The following PHLPP1 variants were observed in gnomAD, a reference collection of about 807,000 sequenced individuals.
PHLPP1 encodes PH domain and leucine rich repeat protein phosphatase 1.
PHLPP1 carries 42 observed loss-of-function variants against 117.2 expected under a neutral mutation model. The ratio of observed to expected loss-of-function variants is 0.36; its 90% CI spans 0.28 to 0.46. PHLPP1 has a LOEUF of 0.46. PHLPP1 is among the 20% of genes least tolerant of loss of function. The pLI is 1.00. For missense variants in PHLPP1, 2,084 were observed against 2,241.9 expected (o/e 0.93, Z 1.42); for synonymous variants, 1,042 against 970.7 (o/e 1.07, Z -1.37).
intron 1 of PHLPP1, among the ~76,000 whole-genome samples, chr18:62,722,228 C>T (rs1355160874): frequency 1.3e-5 from 2 of 152,216 alleles, no homozygotes; most frequent in Admixed American, 1.3e-4. Flanking sequence ...TTTCTCCCAA[C>T]TTTTCAAAGG....
chr18:62,783,067 T>C (rs1913164672), intron 1 of PHLPP1, among the ~76,000 whole-genome samples: 1 of 151,502 alleles, frequency 6.6e-6, no homozygotes, highest in African/African-American at 2.4e-5. Flanking sequence ...AAAATACTGT[T>C]CTTGCCAGAA....
Position 62,715,785 on chromosome 18 carries a change from A to AGCGGCGGCCGCGGCGGCTCTGGCG in PHLPP1, c.113_136dup (p.Ala38_Ala45dup). 1.4e-6 allele frequency: 1 copy of AGCGGCGGCCGCGGCGGCTCTGGCG among 693,260 alleles called. No individual in the cohort carries two copies. The highest frequency in any genetic ancestry group is 1.8e-6 in the Non-Finnish European group (1 of 562,892). The allele number at this position is 693,260 out of a possible 1,614,324, so 42.9% of individuals were successfully genotyped here. On this transcript the variant is annotated inframe_insertion, in exon 1 of 17. Coordinates refer to ENST00000262719, the MANE Select transcript of PHLPP1 (RefSeq NM_194449.4). ...CCGCCGCTGCGGCAGCAGCAGCAGC[A>AGCGGCGGCCGCGGCGGCTCTGGCG]GCGGCGGCCGCGGCGGCTCTGGCGG...
chr18:62,822,280 GTTTTTGTT>G (rs1405000540), intron 1 of PHLPP1, among the ~76,000 whole-genome samples: 1 of 95,982 alleles, frequency 1.0e-5, no homozygotes, highest in Non-Finnish European at 2.0e-5. Flanking sequence ...TTTTTTTTTT[GTTTTTGTT>G]TTTTTTTTTT....
intron 10 of PHLPP1, among the ~76,000 whole-genome samples, chr18:62,923,528 T>A (rs1457998643): frequency 6.6e-6 from 1 of 152,126 alleles, no homozygotes; most frequent in Non-Finnish European, 1.5e-5. Flanking sequence ...TAAATTTGAT[T>A]AGCTGTTTTT....
intron 16 of PHLPP1, among the ~76,000 whole-genome samples, chr18:62,976,549 A>G (rs1040073285): frequency 3.3e-5 from 5 of 152,206 alleles, no homozygotes; most frequent in Non-Finnish European, 7.4e-5. Flanking sequence ...CTAAAGTTGA[A>G]ATCAGTGCAT....
chr18:62,723,243 A>G (rs1332626316), intron 1 of PHLPP1, among the ~76,000 whole-genome samples: 2 of 152,248 alleles, frequency 1.3e-5, no homozygotes, highest in Non-Finnish European at 2.9e-5. Context: ...TGGAGATATC[A>G]ATACTTTAGA....
chr18:62,865,832 G>A lies in PHLPP1; in HGVS notation c.2066+5231G>A, dbSNP rs192800978. 5.9e-5 allele frequency among the ~76,000 whole-genome samples: 9 copies of A among 152,294 alleles called. No individual in the cohort carries two copies. In the East Asian group the frequency reaches 1.7e-3, roughly 29 times the overall value. On this transcript the variant is annotated intron_variant, in intron 4 of 16. Transcript: ENST00000262719. ...TACTTATAAGTGGGTGTCAAGTGAT[G>A]AGAATACATGGACACATAGAGGGGA...
intron 10 of PHLPP1, among the ~76,000 whole-genome samples, chr18:62,923,809 G>C (rs1359143575): frequency 6.6e-6 from 1 of 152,144 alleles, no homozygotes; most frequent in Non-Finnish European, 1.5e-5. Context: ...AGTTGTTGAA[G>C]TAGGCCAACC....
chr18:62,945,364 G>A (rs1910251084), intron 12 of PHLPP1, 93 bp downstream of exon 12: 1 of 1,086,414 alleles, frequency 9.2e-7, no homozygotes, highest in Non-Finnish European at 1.3e-6. Flanking sequence ...CATCTTTGTT[G>A]GATTTATTCA....
intron 1 of PHLPP1, among the ~76,000 whole-genome samples, chr18:62,727,615 CAAAAA>C (rs71160863): frequency 6.5e-5 from 4 of 61,514 alleles, no homozygotes; most frequent in Non-Finnish European, 6.3e-5. Flanking sequence ...GACCCTGTCT[CAAAAA>C]AAAAAAAAAA....
chr18:62,826,826 C>G (rs1914625956), intron 1 of PHLPP1, among the ~76,000 whole-genome samples: 2 of 151,864 alleles, frequency 1.3e-5, no homozygotes, highest in Non-Finnish European at 2.9e-5. Context: ...TATGGGGAAA[C>G]CTGTCTCTAT....
intron 4 of PHLPP1, among the ~76,000 whole-genome samples, chr18:62,874,659 A>T (rs2510021): frequency 5.9e-5 from 1 of 17,066 alleles, no homozygotes; most frequent in Non-Finnish European, 1.4e-4. Context: ...GCACGCGCGC[A>T]CACACACACA....
intron 1 of PHLPP1, among the ~76,000 whole-genome samples, chr18:62,735,552 A>T (rs1190782088): frequency 6.8e-6 from 1 of 147,792 alleles, no homozygotes; most frequent in Non-Finnish European, 1.5e-5. Flanking sequence ...TCCCCTTCCC[A>T]GCCCCCCATC....
intron 4 of PHLPP1, among the ~76,000 whole-genome samples, chr18:62,876,724 A>G (rs1916058969): frequency 6.6e-6 from 1 of 152,226 alleles, no homozygotes; most frequent in South Asian, 2.1e-4. Context: ...TTATTGATCA[A>G]CCACATTGCA....
chr18:62,810,561 C>G lies in PHLPP1; in HGVS notation c.1577-19474C>G, dbSNP rs1209801581. Reference sequence around the variant, plus strand: ...CACAGTAAGAGATTAACAACAATAACTAAGAATAAAATAGAATAATTATAA... The same window carrying G: ...CACAGTAAGAGATTAACAACAATAAGTAAGAATAAAATAGAATAATTATAA... On this transcript the variant is annotated intron_variant, in intron 1 of 16. Coordinates refer to ENST00000262719, the MANE Select transcript of PHLPP1 (RefSeq NM_194449.4). Among the ~76,000 whole-genome samples the G allele has an allele frequency of 5.3e-5, 8 of 152,106 alleles. No homozygotes were observed. The East Asian group carries it at 1.5e-3, about 29-fold the overall frequency.
chr18:62,720,384 G>T (rs896430917), intron 1 of PHLPP1, among the ~76,000 whole-genome samples: 6 of 152,132 alleles, frequency 3.9e-5, no homozygotes, highest in Non-Finnish European at 7.4e-5. Flanking sequence ...ATGACAAAGG[G>T]TGTTGACAGA....
intron 1 of PHLPP1, among the ~76,000 whole-genome samples, chr18:62,734,869 A>T (rs1476125172): frequency 6.6e-6 from 1 of 152,184 alleles, no homozygotes; most frequent in Non-Finnish European, 1.5e-5. Flanking sequence ...GTTAGCACCA[A>T]TGTAATCAGG....
intron 1 of PHLPP1, among the ~76,000 whole-genome samples, chr18:62,818,103 C>T (rs1914346249): frequency 6.6e-6 from 1 of 151,982 alleles, no homozygotes; most frequent in South Asian, 2.1e-4. Context: ...CTTGGCCTTC[C>T]AAAGTGCTGG....
intron 1 of PHLPP1, among the ~76,000 whole-genome samples, chr18:62,829,546 A>G (rs1787239): frequency 0.91 from 138,132 of 152,204 alleles, 62,785 homozygotes; most frequent in East Asian, 0.99. Flanking sequence ...GAGGTCGGGA[A>G]TTTGAGACCA....
Sources: allele counts gnomAD v4.1 joint callset (sites outside exome capture counted in the v4.1 genomes callset), GRCh38; gene constraint gnomAD v4.1.1; transcripts MANE v1.5; gene names NCBI Gene and HGNC (gene_info 2026-07-23, HGNC 2026-07-21).